USO1: variants seen among roughly 807,000 people sequenced by gnomAD.
USO1 encodes general vesicular transport factor p115.
A neutral mutation model predicts 124.5 loss-of-function variants in USO1; 57 were observed. The observed-to-expected ratio is 0.46, with a 90% CI of 0.37 to 0.57. The LOEUF (loss-of-function observed/expected upper bound fraction) is 0.57, where lower values mean the gene tolerates loss of function less well. Ranked by LOEUF, USO1 falls within the 20% of genes least tolerant of loss-of-function variation. USO1 has a pLI of 0.00. For synonymous variants in USO1, 369 were observed against 362.8 expected, an observed-to-expected ratio of 1.02 and a Z score of -0.19; for missense variants, 900 against 1,040.6, an observed-to-expected ratio of 0.86 and a Z score of 1.86.
chr4:75,724,931 G>A (rs1283338963), intron 1 of USO1, 46 bp downstream of exon 1: 3 of 1,604,672 alleles, frequency 1.9e-6, no homozygotes, highest in Admixed American at 1.7e-5. Flanking sequence ...GTCCGGGCAG[G>A]GACGGGGACG....
chr4:75,784,966 C>G (rs185000638), intron 9 of USO1, among the ~76,000 whole-genome samples: 2 of 152,202 alleles, frequency 1.3e-5, no homozygotes, highest in East Asian at 3.9e-4. Context: ...TCGTGAAGAC[C>G]GTAAACTCCA....
intron 21 of USO1, 129 bp from the exon 22 acceptor site, chr4:75,810,303 C>G (rs1044486442): frequency 5.7e-6 from 6 of 1,050,926 alleles, no homozygotes; most frequent in Non-Finnish European, 7.9e-6. Flanking sequence ...CACATAAATA[C>G]ATAAGGAATT....
chr4:75,754,998 G>A (rs572869098), intron 3 of USO1, among the ~76,000 whole-genome samples: 5 of 152,314 alleles, frequency 3.3e-5, no homozygotes, highest in Non-Finnish European at 5.9e-5. Flanking sequence ...CTGAAGGCTT[G>A]ACTGGGGCTG....
chr4:75,787,763 T>A (rs1560454568), intron 10 of USO1, among the ~76,000 whole-genome samples: 1 of 152,202 alleles, frequency 6.6e-6, no homozygotes, highest in Non-Finnish European at 1.5e-5. Context: ...CTTTACTTCC[T>A]CATGTCACCT....
At position 75,810,544 on chromosome 4, in the gene USO1, G is replaced by C; in HGVS notation, c.2583+5G>C. The C allele has an allele frequency of 6.3e-7, 1 of 1,597,154 alleles. No homozygotes were observed. Among genetic ancestry groups the C allele is most frequent in the Non-Finnish European group, 8.5e-7 (1 of 1,174,328 alleles). The stretch of plus-strand genomic sequence containing the variant: ...CAAGAGACCAAAGAGTTAAAGGTTT[G>C]TTTTTGGTGCAACTTTTATTTACTG... On this transcript the variant is annotated splice_donor_5th_base_variant and intron_variant, in intron 22 of 23. Transcript: ENST00000514213.
Position 75,730,031 on chromosome 4 carries a change from A to G in USO1, c.66+5146A>G, listed in dbSNP as rs549222890. 8 of 292,186 alleles carry G rather than the reference A, an allele frequency of 2.7e-5. 1 individual carries two copies. The highest frequency in any genetic ancestry group is 1.1e-4 in the South Asian group (4 of 36,016). The allele number at this position is 292,186 out of a possible 1,614,324, so 18.1% of individuals were successfully genotyped here. Reference sequence around the variant, plus strand: ...GTATTCTACATTAATAACCAGGTCAATGTCATAACTGGAATGTGTTTTCTC... The same window carrying G: ...GTATTCTACATTAATAACCAGGTCAGTGTCATAACTGGAATGTGTTTTCTC... On this transcript the variant is annotated intron_variant, in intron 1 of 23. Coordinates refer to ENST00000514213, the MANE Select transcript of USO1 (RefSeq NM_003715.4).
rs558444866 is a variant in USO1 at position 75,813,217 on chromosome 4, G to C, written c.2811G>C (p.Glu937Asp). The C allele has an allele frequency of 6.2e-7, 1 of 1,609,538 alleles. No individual in the cohort carries two copies. The highest frequency in any genetic ancestry group is 2.2e-5 in the East Asian group (1 of 44,724). Residue 937 changes from glutamate (E) to aspartate (D), a missense_variant, in exon 24 of 24, where the codon GAG (glutamate) becomes GAC (aspartate). By Grantham distance (45) the Glu-to-Asp change is conservative. Around this residue, in one of 2 missense-constraint regions of USO1, gnomAD observed 362 missense variants for 359.0 expected, o/e 1.01. Transcript: ENST00000514213. ...TCTTTTTCCTCTAGGTTGAAGAAGA[G>C]GATGAACTTGAATCTGGAGACCAAG... ...LKDLGHPVEE[E>D]DELESGDQED...
At chr4:75,752,678 A>G (rs1465351167) in intron 3 of USO1, 74 bp downstream of exon 3, 1 of 397,246 alleles carries the variant, frequency 2.5e-6, no homozygotes, top group Non-Finnish European at 4.4e-6. Context: ...TCACTATTCC[A>G]AAAGATTGCT....
chr4:75,756,949 A>C (rs963703823), intron 3 of USO1, among the ~76,000 whole-genome samples: 2 of 145,910 alleles, frequency 1.4e-5, no homozygotes, highest in Non-Finnish European at 3.0e-5. Flanking sequence ...AGATTTTTAT[A>C]TATGTATACA....
At chr4:75,736,558 C>T (rs953083664) in intron 1 of USO1, among the ~76,000 whole-genome samples, 4 of 152,092 alleles carry the variant, frequency 2.6e-5, no homozygotes, top group African/African-American at 7.2e-5. Flanking sequence ...CCACCTTGGC[C>T]TACCAAAGTT....
At chr4:75,759,017 A>G (rs1202858269) in intron 4 of USO1, among the ~76,000 whole-genome samples, 2 of 152,126 alleles carry the variant, frequency 1.3e-5, no homozygotes, top group East Asian at 3.9e-4. Flanking sequence ...GTTGTTTCAG[A>G]TTAAAAATTT....
chr4:75,756,423 G>C (rs1361306459), intron 3 of USO1, among the ~76,000 whole-genome samples: 1 of 97,860 alleles, frequency 1.0e-5, no homozygotes, highest in Non-Finnish European at 2.3e-5. Flanking sequence ...GTCTTATAAA[G>C]TTAATGATGA....
intron 3 of USO1, among the ~76,000 whole-genome samples, chr4:75,756,256 G>C (rs1169345521): frequency 6.6e-6 from 1 of 151,724 alleles, no homozygotes; most frequent in African/African-American, 2.4e-5. Flanking sequence ...ACCTGCTCTT[G>C]GTGGCTTTGA....
At chr4:75,809,646 C>T (rs1286015594) in intron 21 of USO1, among the ~76,000 whole-genome samples, 2 of 152,184 alleles carry the variant, frequency 1.3e-5, no homozygotes, top group East Asian at 1.9e-4. Flanking sequence ...GCCTTTCCTC[C>T]GATTCCCAGT....
intron 17 of USO1, 97 bp from the exon 18 acceptor site, chr4:75,804,037 A>T (rs181616413): frequency 3.4e-6 from 5 of 1,462,334 alleles, no homozygotes; most frequent in Non-Finnish European, 3.6e-6. Context: ...ACTTTAGCAT[A>T]CTGTCCCAAA....
At chr4:75,742,204 T>C (rs570042048) in intron 1 of USO1, among the ~76,000 whole-genome samples, 8 of 152,276 alleles carry the variant, frequency 5.3e-5, no homozygotes, top group East Asian at 1.9e-4. Context: ...GTTACTGTTA[T>C]CAAGTATTAT....
At position 75,805,127 on chromosome 4, in the gene USO1, G is replaced by A. The variant is rs144739614; in HGVS notation, c.2126-13G>A. 1.3e-6 allele frequency: 2 copies of A among 1,549,222 alleles called. No individual in the cohort carries two copies. Among genetic ancestry groups the A allele is most frequent in the South Asian group, 1.2e-5 (1 of 81,340 alleles). ...TTCCCGTTGGCTTTTAAAATGTTAT[G>A]TCTGTCTAACAGGAAAAGACAATCA... is the stretch of plus-strand genomic sequence containing the variant. On this transcript the variant is annotated splice_polypyrimidine_tract_variant and intron_variant, in intron 18 of 23. Coordinates refer to ENST00000514213, the MANE Select transcript of USO1 (RefSeq NM_003715.4).
At chr4:75,794,004 C>T in intron 13 of USO1, 103 bp downstream of exon 13, 2 of 1,478,318 alleles carry the variant, frequency 1.4e-6, no homozygotes, top group Non-Finnish European at 1.8e-6. Context: ...ACAGAGAAGA[C>T]TTATTCTGTT....
intron 9 of USO1, among the ~76,000 whole-genome samples, chr4:75,783,341 GA>G (rs892194934): frequency 2.6e-5 from 4 of 152,174 alleles, no homozygotes; most frequent in African/African-American, 9.7e-5. Context: ...TGATTAGTCT[GA>G]GTTTTAAGTC....
Sources: allele counts gnomAD v4.1 joint callset (sites outside exome capture counted in the v4.1 genomes callset), GRCh38; gene constraint gnomAD v4.1.1; regional missense constraint gnomAD v4.1.1; transcripts MANE v1.5; gene names NCBI Gene and HGNC (gene_info 2026-07-23, HGNC 2026-07-21).